Variants in BCAS3 observed in about 807,000 individuals in gnomAD.
The protein encoded by BCAS3 is BCAS4/BCAS3 fusion.
A neutral mutation model predicts 116.1 loss-of-function variants in BCAS3; 53 were observed. The ratio of observed to expected loss-of-function variants is 0.46; its 90% CI spans 0.37 to 0.57. The LOEUF is 0.57. BCAS3 is among the 20% of genes least tolerant of loss of function. The probability of loss-of-function intolerance (pLI) is 0.00; values close to 1 mark genes in which losing one functional copy is unlikely to be tolerated. For synonymous variants in BCAS3, 391 were observed against 408.2 expected, an observed-to-expected ratio of 0.96 and a Z score of 0.51; for missense variants, 917 against 1,165.4, an observed-to-expected ratio of 0.79 and a Z score of 3.10.
At chr17:60,815,333 T>A (rs560209504) in intron 7 of BCAS3, among the ~76,000 whole-genome samples, 3 of 151,932 alleles carry the variant, frequency 2.0e-5, no homozygotes, top group African/African-American at 7.3e-5. Flanking sequence ...TTAGGAGATA[T>A]ACCTAATATA....
intron 22 of BCAS3, among the ~76,000 whole-genome samples, chr17:61,091,959 A>G (rs1437549701): frequency 6.6e-6 from 1 of 152,226 alleles, no homozygotes; most frequent in East Asian, 1.9e-4. Context: ...ATACTCAGCC[A>G]CCACTCACAT....
At chr17:61,099,914 T>C (rs373465309) in intron 22 of BCAS3, among the ~76,000 whole-genome samples, 20 of 152,356 alleles carry the variant, frequency 1.3e-4, no homozygotes, top group African/African-American at 4.3e-4. Context: ...GCCAAAACAT[T>C]TTGTTGAAGA....
intron 22 of BCAS3, among the ~76,000 whole-genome samples, chr17:61,091,210 A>G (rs146707130): frequency 5.3e-4 from 81 of 152,300 alleles, no homozygotes; most frequent in Middle Eastern, 6.8e-3. Flanking sequence ...ATGGCTTTAA[A>G]TCTTTCCTAA....
chr17:61,310,579 A>T (rs949874981), intron 22 of BCAS3, among the ~76,000 whole-genome samples: 5 of 151,902 alleles, frequency 3.3e-5, no homozygotes, highest in African/African-American at 1.2e-4. Flanking sequence ...AGAAAGAAAG[A>T]AAAAATGAAC....
chr17:61,232,896 G>A (rs57165085), intron 22 of BCAS3, among the ~76,000 whole-genome samples: 10,896 of 152,140 alleles, frequency 0.072, 565 homozygotes, highest in African/African-American at 0.14. Flanking sequence ...CATTAGCCTT[G>A]AGCTAGTATT....
rs773979796 is a variant in BCAS3 at position 61,063,898 on chromosome 17, A to T, written c.2030-11022A>T. Among the ~76,000 whole-genome samples, 98 of 152,160 alleles carry T rather than the reference A, an allele frequency of 6.4e-4. No individual in the cohort carries two copies. Among genetic ancestry groups the T allele is most frequent in the Non-Finnish European group, 9.0e-4 (61 of 68,020 alleles). On this transcript the variant is annotated intron_variant, in intron 19 of 23. Transcript: ENST00000407086. This position sits in a 1 kb window ranked among gnomAD's most constrained non-coding sequence, Gnocchi z 5.3. ...TCAATACCATCTTGTCCCTTCTTAA[A>T]ACGAACTATCCATTTGTAAACTGCT...
chr17:61,040,641 T>C lies in BCAS3; in HGVS notation c.1929-151T>C, dbSNP rs1480817945. The stretch of plus-strand genomic sequence containing the variant: ...AGCAGATGGCCTTGTGTTTCAGGTT[T>C]CATCACATTCATTTTAATGATTACA... On this transcript the variant is annotated intron_variant, in intron 18 of 23. Transcript: ENST00000407086. 20 of 661,774 alleles carry C rather than the reference T, an allele frequency of 3.0e-5. No individual in the cohort carries two copies. In the Admixed American group the frequency reaches 4.8e-4, roughly 16 times the overall value. The allele number at this position is 661,774 out of a possible 1,614,324, so 41.0% of individuals were successfully genotyped here.
At chr17:61,116,785 C>G (rs1453056964) in intron 22 of BCAS3, among the ~76,000 whole-genome samples, 1 of 152,062 alleles carries the variant, frequency 6.6e-6, no homozygotes, top group Non-Finnish European at 1.5e-5. Flanking sequence ...AGTTCTTTTC[C>G]TTTGTACTCA....
intron 7 of BCAS3, among the ~76,000 whole-genome samples, chr17:60,843,309 C>T (rs918171740): frequency 6.6e-6 from 1 of 151,450 alleles, no homozygotes; most frequent in African/African-American, 2.4e-5. Flanking sequence ...CTCTGCTTCC[C>T]GTGTTCAAGC....
At chr17:60,755,069 C>A (rs1236887808) in intron 6 of BCAS3, among the ~76,000 whole-genome samples, 1 of 152,074 alleles carries the variant, frequency 6.6e-6, no homozygotes, top group Non-Finnish European at 1.5e-5. Context: ...TCTTAAATTT[C>A]TTTAATGATT....
intron 13 of BCAS3, among the ~76,000 whole-genome samples, chr17:60,940,284 G>T (rs905838967): frequency 4.6e-5 from 7 of 152,144 alleles, no homozygotes; most frequent in South Asian, 2.1e-4. Context: ...GTTTACTTCA[G>T]TGCCTTTAAC....
At position 61,087,260 on chromosome 17, in the gene BCAS3, G is replaced by C. The variant is rs187480113; in HGVS notation, c.2425+2696G>C. The C allele has an allele frequency of 1.9e-3, 1,815 of 972,270 alleles. 4 individuals are homozygous for C. The highest frequency in any genetic ancestry group is 1.9e-3 in the Non-Finnish European group (1,529 of 817,952). 60.2% of individuals were successfully genotyped at this position (972,270 alleles called of 1,614,324 possible). A position where few individuals can be genotyped will look rare whatever the true frequency, so the allele number is the denominator to read the frequency against. On this transcript the variant is annotated intron_variant, in intron 22 of 23. Coordinates refer to ENST00000407086, the MANE Select transcript of BCAS3 (RefSeq NM_017679.5). The surrounding 1 kb of genome is among the most constrained non-coding windows in gnomAD (Gnocchi z 4.6). ...ATACGACCAGTGTGGCACCTCCTCT[G>C]TTGGTCTTCATTGCCCTGTATTACC...
chr17:60,881,191 G>C (rs1047074691), intron 9 of BCAS3, among the ~76,000 whole-genome samples: 1 of 152,058 alleles, frequency 6.6e-6, no homozygotes, highest in Non-Finnish European at 1.5e-5. Context: ...AGCCAGGATG[G>C]TCTCGATCTC....
chr17:60,769,913 T>G (rs1383323018), intron 6 of BCAS3, among the ~76,000 whole-genome samples: 1 of 152,066 alleles, frequency 6.6e-6, no homozygotes, highest in African/African-American at 2.4e-5. Context: ...TAGCTGGGAT[T>G]ACAGGTGCCC....
At position 61,196,515 on chromosome 17, in the gene BCAS3, A is replaced by G. The variant is rs1417736864; in HGVS notation, c.2425+111951A>G. 6.6e-6 allele frequency among the ~76,000 whole-genome samples: 1 copy of G among 152,114 alleles called. No homozygotes were observed. Among genetic ancestry groups the G allele is most frequent in the East Asian group, 1.9e-4 (1 of 5,192 alleles). On this transcript the variant is annotated intron_variant, in intron 22 of 23. Transcript: ENST00000407086. This position sits in a 1 kb window ranked among gnomAD's most constrained non-coding sequence, Gnocchi z 4.7. ...AAGCCCACAAAAACAAAAAACCCCA[A>G]CCCAACAGCTGGGAAGGGTTGGAAG...
In BCAS3 at chr17:60,932,068, G is replaced by A. The variant is rs183869905; in HGVS notation, c.1087+7568G>A. Among the ~76,000 whole-genome samples, 52 of 151,730 alleles carry A rather than the reference G, an allele frequency of 3.4e-4. No individual in the cohort carries two copies. The East Asian group carries it at 9.3e-3, about 27-fold the overall frequency. On this transcript the variant is annotated intron_variant, in intron 13 of 23. Coordinates refer to ENST00000407086, the MANE Select transcript of BCAS3 (RefSeq NM_017679.5). The stretch of plus-strand genomic sequence containing the variant: ...AGCCTGGGTGACAGAGCAAGACCCT[G>A]TCTAAAAAAAAATAAAAAATAAAAT...
chr17:60,845,722 C>A (rs1222309825), intron 7 of BCAS3, among the ~76,000 whole-genome samples: 1 of 152,020 alleles, frequency 6.6e-6, no homozygotes, highest in Middle Eastern at 3.4e-3. Flanking sequence ...GAGGTTCCAC[C>A]CTGTGTTCTA....
intron 6 of BCAS3, among the ~76,000 whole-genome samples, chr17:60,775,322 T>G (rs1449236503): frequency 6.6e-6 from 1 of 152,182 alleles, no homozygotes; most frequent in East Asian, 1.9e-4. Flanking sequence ...TCTTAAACTT[T>G]CCTTCTCCTC....
At chr17:61,096,316 A>G (rs1201614667) in intron 22 of BCAS3, among the ~76,000 whole-genome samples, 1 of 152,156 alleles carries the variant, frequency 6.6e-6, no homozygotes, top group Non-Finnish European at 1.5e-5. Context: ...TTTACAGCAT[A>G]TAGAGTAAAA....
Sources: gnomAD v4.1 joint callset for allele counts (sites outside exome capture counted in the v4.1 genomes callset) on GRCh38, gnomAD v4.1.1 for gene constraint, Gnocchi (gnomAD v3.1) non-coding constraint, MANE v1.5 for transcripts, NCBI Gene and HGNC (gene_info 2026-07-23, HGNC 2026-07-21) for gene names.